Variants in LINGO2 observed in about 807,000 individuals in gnomAD.
The protein encoded by LINGO2 is leucine-rich repeat and immunoglobulin-like domain-containing nogo receptor-interacting protein 2.
In LINGO2, 14 loss-of-function variants were observed where a neutral mutation model predicts 30.6. That is an observed-to-expected ratio of 0.46 (90% CI 0.30 to 0.72). LINGO2 has a LOEUF of 0.72. LINGO2 is among the 30% of genes least tolerant of loss of function. The pLI is 0.07. For synonymous variants in LINGO2, 317 were observed against 288.5 expected (o/e 1.10, Z -1.00); for missense variants, 729 against 751.7 (o/e 0.97, Z 0.35).
intron 4 of LINGO2, among the ~76,000 whole-genome samples, chr9:28,268,394 G>A (rs1484546579): frequency 1.3e-5 from 2 of 152,034 alleles, no homozygotes; most frequent in Non-Finnish European, 2.9e-5. Flanking sequence ...AGAACCTGGT[G>A]AACCTAGAAC....
At chr9:28,239,384 T>G (rs1226551384) in intron 4 of LINGO2, among the ~76,000 whole-genome samples, 1 of 152,010 alleles carries the variant, frequency 6.6e-6, no homozygotes, top group East Asian at 1.9e-4. Flanking sequence ...TCAAAAATAC[T>G]CAACAAAATA....
the LINGO2 span, among the ~76,000 whole-genome samples, chr9:29,003,423 T>G: frequency 6.6e-6 from 1 of 151,916 alleles, no homozygotes; most frequent in African/African-American, 2.4e-5. Context: ...CTACCACTTT[T>G]ACAGGTGTGT....
intron 1 of LINGO2, among the ~76,000 whole-genome samples, chr9:28,536,665 C>T (rs1300312852): frequency 6.6e-6 from 1 of 152,102 alleles, no homozygotes; most frequent in African/African-American, 2.4e-5. Context: ...GATAAATATA[C>T]ACTTTTTGTC....
chr9:28,676,159 TAATAA>T, the LINGO2 span, among the ~76,000 whole-genome samples: 1 of 151,288 alleles, frequency 6.6e-6, no homozygotes, highest in African/African-American at 2.4e-5. Context: ...AATTATAATA[TAATAA>T]AATAGCTTTA....
At chr9:28,195,748 T>G (rs1819989531) in intron 4 of LINGO2, among the ~76,000 whole-genome samples, 1 of 151,518 alleles carries the variant, frequency 6.6e-6, no homozygotes, top group African/African-American at 2.4e-5. Context: ...ACATAGTTTA[T>G]AGCAAAGATG....
At chr9:28,959,934 T>G in the LINGO2 span, among the ~76,000 whole-genome samples, 1 of 152,242 alleles carries the variant, frequency 6.6e-6, no homozygotes, top group Non-Finnish European at 1.5e-5. Flanking sequence ...GATAATAAAA[T>G]AAATGGTCCT....
chr9:29,123,061 A>T, the LINGO2 span, among the ~76,000 whole-genome samples: 2 of 152,110 alleles, frequency 1.3e-5, no homozygotes, highest in East Asian at 3.9e-4. Context: ...CATAAGCCAC[A>T]CTTTAATCAG....
chr9:27,967,014 T>C (rs188715832), intron 5 of LINGO2, among the ~76,000 whole-genome samples: 2 of 152,286 alleles, frequency 1.3e-5, no homozygotes, highest in East Asian at 3.9e-4. Context: ...GTGGATATTC[T>C]TGAACAAAAG....
At chr9:28,729,886 T>C in the LINGO2 span, among the ~76,000 whole-genome samples, 17 of 151,986 alleles carry the variant, frequency 1.1e-4, no homozygotes, top group Non-Finnish European at 2.2e-4. Context: ...CACAAAAGTA[T>C]ACTTTTGTGA....
At chr9:28,395,541 A>ATC (rs1822005655) in intron 2 of LINGO2, among the ~76,000 whole-genome samples, 2 of 152,088 alleles carry the variant, frequency 1.3e-5, no homozygotes, top group African/African-American at 4.8e-5. Context: ...GTGAAAAAAA[A>ATC]AATCATGTCC....
chr9:28,661,463 A>T (rs1030926296), intron 1 of LINGO2, among the ~76,000 whole-genome samples: 1 of 152,122 alleles, frequency 6.6e-6, no homozygotes, highest in Non-Finnish European at 1.5e-5. Flanking sequence ...ACAATAAATG[A>T]TTGTTGTATT....
the LINGO2 span, among the ~76,000 whole-genome samples, chr9:28,776,599 T>G: frequency 6.6e-6 from 1 of 152,162 alleles, no homozygotes; most frequent in Non-Finnish European, 1.5e-5. Flanking sequence ...CTTTCATGCA[T>G]TCTCCCTCTC....
intron 1 of LINGO2, among the ~76,000 whole-genome samples, chr9:28,633,333 C>T (rs1827091699): frequency 6.6e-6 from 1 of 151,960 alleles, no homozygotes; most frequent in South Asian, 2.1e-4. Context: ...TGCCTTTATT[C>T]CAGAGAATAC....
At chr9:28,855,731 T>C in the LINGO2 span, among the ~76,000 whole-genome samples, 1 of 151,986 alleles carries the variant, frequency 6.6e-6, no homozygotes, top group African/African-American at 2.4e-5. Flanking sequence ...TTCAATGGGT[T>C]ATTTTACCCT....
the LINGO2 span, among the ~76,000 whole-genome samples, chr9:29,107,839 G>A: frequency 6.6e-6 from 1 of 151,390 alleles, no homozygotes; most frequent in East Asian, 1.9e-4. Context: ...TTCAAATAAG[G>A]CAAATAACCT....
chr9:28,177,632 A>C (rs1161996508), intron 4 of LINGO2, among the ~76,000 whole-genome samples: 1 of 152,202 alleles, frequency 6.6e-6, no homozygotes, highest in Non-Finnish European at 1.5e-5. Context: ...TGTTCCAACA[A>C]ATATTGTTAT....
chr9:28,944,460 C>T, the LINGO2 span, among the ~76,000 whole-genome samples: 2 of 152,130 alleles, frequency 1.3e-5, no homozygotes, highest in Non-Finnish European at 1.5e-5. Flanking sequence ...GGCTGGAGTG[C>T]GATGGCATGA....
At chr9:28,971,165 A>G in the LINGO2 span, among the ~76,000 whole-genome samples, 4 of 152,156 alleles carry the variant, frequency 2.6e-5, no homozygotes, top group African/African-American at 7.2e-5. Context: ...AAAGGGAAAA[A>G]ACCCAGTCCT....
the LINGO2 span, among the ~76,000 whole-genome samples, chr9:29,047,036 G>C: frequency 5.8e-4 from 2 of 3,450 alleles, no homozygotes; most frequent in Admixed American, 4.0e-3. Context: ...GAACAAGACT[G>C]TCTCAAAAAA....
Sources: gnomAD v4.1 joint callset for allele counts (sites outside exome capture counted in the v4.1 genomes callset) on GRCh38, gnomAD v4.1.1 for gene constraint, MANE v1.5 for transcripts, NCBI Gene and HGNC (gene_info 2026-07-23, HGNC 2026-07-21) for gene names.